Variants in ARHGAP44 observed in about 807,000 individuals in gnomAD.
ARHGAP44 encodes the protein rho GTPase-activating protein 44.
ARHGAP44 carries 43 observed loss-of-function variants against 106.8 expected under a neutral mutation model. That is an observed-to-expected ratio of 0.40 (90% CI 0.32 to 0.52). The LOEUF is 0.52. Among genes scored for constraint, ARHGAP44 ranks in the 20% least tolerant of loss-of-function variants. ARHGAP44 has a pLI of 0.48. For synonymous variants in ARHGAP44, 439 were observed against 410.3 expected (o/e 1.07, Z -0.85); for missense variants, 866 against 1,050.5 (o/e 0.82, Z 2.43).
chr17:12,985,070 C>A, intron 20 of ARHGAP44, 162 bp downstream of exon 20: 6 of 850,372 alleles, frequency 7.1e-6, no homozygotes, highest in Non-Finnish European at 1.1e-5. Context: ...AGAAGCCCAC[C>A]AATGGAAAGC....
chr17:12,877,106 G>C (rs1196535863), intron 1 of ARHGAP44, among the ~76,000 whole-genome samples: 1 of 152,118 alleles, frequency 6.6e-6, no homozygotes, highest in African/African-American at 2.4e-5. Flanking sequence ...TTTGTAATAA[G>C]ACCGTCTCTG....
chr17:12,795,558 C>CA (rs960541826), intron 1 of ARHGAP44, among the ~76,000 whole-genome samples: 1 of 150,570 alleles, frequency 6.6e-6, no homozygotes. Context: ...CAATAAGGAC[C>CA]ATTTTTTTTT....
intron 1 of ARHGAP44, among the ~76,000 whole-genome samples, chr17:12,889,185 T>A (rs1598003565): frequency 6.6e-6 from 1 of 152,364 alleles, no homozygotes; most frequent in East Asian, 1.9e-4. Context: ...CATTTCTTGT[T>A]TTCTTGTATT....
rs2039886074 is a variant in ARHGAP44 at position 12,983,645 on chromosome 17, A to G, written c.1940-886A>G. Reference sequence around the variant, plus strand: ...CATGGAGAAACCCTGTGTCTACTAAAAACACAAAATTAGCCAGGCGTGGTG... The same window carrying G: ...CATGGAGAAACCCTGTGTCTACTAAGAACACAAAATTAGCCAGGCGTGGTG... On this transcript the variant is annotated intron_variant, in intron 19 of 20. Coordinates refer to ENST00000379672, the MANE Select transcript of ARHGAP44 (RefSeq NM_014859.6). Among the ~76,000 whole-genome samples, 3 of 152,122 alleles carry G rather than the reference A, an allele frequency of 2.0e-5. No homozygotes were observed. In the South Asian group the frequency reaches 6.2e-4, roughly 32 times the overall value.
At position 12,976,287 on chromosome 17, in the gene ARHGAP44, G is replaced by A. The variant is rs180735793; in HGVS notation, c.1763+1977G>A. On this transcript the variant is annotated intron_variant, in intron 18 of 20. Transcript: ENST00000379672. Reference sequence around the variant, plus strand: ...AACCCCCTACATGAGAGGCTTCCAGGCTTTTTTGTTTTATTTTGTTTAATG... The same window carrying A: ...AACCCCCTACATGAGAGGCTTCCAGACTTTTTTGTTTTATTTTGTTTAATG... 3.8e-3 allele frequency among the ~76,000 whole-genome samples: 578 copies of A among 151,978 alleles called. 2 individuals carry two copies. The highest frequency in any genetic ancestry group is 6.6e-3 in the Non-Finnish European group (450 of 67,966).
chr17:12,814,415 A>T (rs1186243003), intron 1 of ARHGAP44, among the ~76,000 whole-genome samples: 2 of 151,252 alleles, frequency 1.3e-5, no homozygotes, highest in Admixed American at 6.6e-5. Flanking sequence ...TAATTTTTGT[A>T]TTTTTAGTAG....
intron 16 of ARHGAP44, among the ~76,000 whole-genome samples, chr17:12,969,654 T>G (rs1182940902): frequency 6.6e-6 from 1 of 152,172 alleles, no homozygotes; most frequent in African/African-American, 2.4e-5. Context: ...ATTCCGTCCA[T>G]CAAGGTGTTG....
At chr17:12,794,657 G>A (rs773668311) in intron 1 of ARHGAP44, among the ~76,000 whole-genome samples, 1 of 152,244 alleles carries the variant, frequency 6.6e-6, no homozygotes, top group South Asian at 2.1e-4. Flanking sequence ...GGGGAGTGAA[G>A]ACAAAGTTTT....
At chr17:12,895,123 C>G in intron 2 of ARHGAP44, 144 bp downstream of exon 2, 1 of 718,298 alleles carries the variant, frequency 1.4e-6, no homozygotes, top group South Asian at 2.0e-5. Context: ...CAGCGAGACT[C>G]TGTCTCAAAA....
intron 1 of ARHGAP44, chr17:12,790,354 T>C: frequency 6.2e-6 from 1 of 161,178 alleles, no homozygotes; most frequent in Non-Finnish European, 1.4e-5. Flanking sequence ...CTGGGCCTGG[T>C]CGGCCTGCCC....
intron 1 of ARHGAP44, among the ~76,000 whole-genome samples, chr17:12,882,653 A>G (rs1176256223): frequency 6.6e-6 from 1 of 152,158 alleles, no homozygotes; most frequent in Non-Finnish European, 1.5e-5. Flanking sequence ...ATCAACAGAC[A>G]TGGAGTTTTA....
At chr17:12,841,974 C>T (rs2150831423) in intron 1 of ARHGAP44, among the ~76,000 whole-genome samples, 1 of 152,118 alleles carries the variant, frequency 6.6e-6, no homozygotes, top group South Asian at 2.1e-4. Context: ...TTCAAAACAG[C>T]AATACCGGTT....
Position 12,833,953 on chromosome 17 carries a change from A to AT in ARHGAP44, c.53+44077dup, listed in dbSNP as rs140967569. On this transcript the variant is annotated intron_variant, in intron 1 of 20. Coordinates refer to ENST00000379672, the MANE Select transcript of ARHGAP44 (RefSeq NM_014859.6). ...AGGCTTCAGAGAGAATAGATTGTGA[A>AT]TTTTTTTTTTTTTTTCAGACTTAAA... Among the ~76,000 whole-genome samples the AT allele has an allele frequency of 1.7e-3, 249 of 143,574 alleles. 1 individual carries two copies. Among genetic ancestry groups the AT allele is most frequent in the South Asian group, 5.3e-3 (24 of 4,492 alleles). The allele number at this position is 143,574 out of a possible 152,430, so 94.2% of individuals were successfully genotyped here.
intron 1 of ARHGAP44, among the ~76,000 whole-genome samples, chr17:12,835,905 T>G (rs1256157983): frequency 6.6e-6 from 1 of 152,212 alleles, no homozygotes; most frequent in Non-Finnish European, 1.5e-5. Context: ...ATTTGCCTTT[T>G]TGTGTCTGGC....
At chr17:12,953,648 A>G (rs2039053702) in intron 13 of ARHGAP44, among the ~76,000 whole-genome samples, 1 of 152,252 alleles carries the variant, frequency 6.6e-6, no homozygotes. Flanking sequence ...GTGGATAAAC[A>G]AAATGTGGTA....
In ARHGAP44 at chr17:12,958,279, A is replaced by G. The variant is rs2039176767; in HGVS notation, c.1343-438A>G. ...AAAGGCAGTGTCATCATCTATAAAT[A>G]TTAATATTGCCTCTTATTTTATTTT... On this transcript the variant is annotated intron_variant, in intron 15 of 20. Coordinates refer to ENST00000379672, the MANE Select transcript of ARHGAP44 (RefSeq NM_014859.6). This position sits in a 1 kb window ranked among gnomAD's most constrained non-coding sequence, Gnocchi z 4.1. 6.6e-6 allele frequency among the ~76,000 whole-genome samples: 1 copy of G among 152,216 alleles called. No individual in the cohort carries two copies. The highest frequency in any genetic ancestry group is 1.5e-5 in the Non-Finnish European group (1 of 68,030).
intron 6 of ARHGAP44, among the ~76,000 whole-genome samples, chr17:12,926,431 A>T (rs1198845207): frequency 2.1e-5 from 3 of 141,616 alleles, no homozygotes; most frequent in Admixed American, 7.5e-5. Context: ...TGTATATATA[A>T]TATATATGTA....
At chr17:12,816,945 A>G (rs1194947110) in intron 1 of ARHGAP44, among the ~76,000 whole-genome samples, 2 of 152,148 alleles carry the variant, frequency 1.3e-5, no homozygotes, top group Non-Finnish European at 2.9e-5. Flanking sequence ...TCACTCAACA[A>G]TAAGATATAC....
rs1398195556 is a variant in ARHGAP44 at position 12,949,797 on chromosome 17, T to C, written c.1055+67T>C. On this transcript the variant is annotated intron_variant, in intron 12 of 20. Coordinates refer to ENST00000379672, the MANE Select transcript of ARHGAP44 (RefSeq NM_014859.6). The surrounding 1 kb of genome is among the most constrained non-coding windows in gnomAD (Gnocchi z 4.1). The stretch of plus-strand genomic sequence containing the variant: ...TATTTGGGAGTATGTGCTGAAATTA[T>C]AGAAGCATGTAACCTATGATCTCGC... 2 of 1,472,646 alleles carry C rather than the reference T, an allele frequency of 1.4e-6. No homozygotes were observed. The highest frequency in any genetic ancestry group is 1.9e-6 in the Non-Finnish European group (2 of 1,057,056). 91.2% of individuals were successfully genotyped at this position (1,472,646 alleles called of 1,614,324 possible).
Sources: allele counts gnomAD v4.1 joint callset (sites outside exome capture counted in the v4.1 genomes callset), GRCh38; gene constraint gnomAD v4.1.1; non-coding constraint Gnocchi (gnomAD v3.1); transcripts MANE v1.5; gene names NCBI Gene and HGNC (gene_info 2026-07-23, HGNC 2026-07-21).